Variants in COPB2 observed in about 807,000 individuals in gnomAD.
COPB2 encodes the protein coatomer subunit beta'.
Under a neutral mutation model 120.8 loss-of-function variants are expected in COPB2, and 16 were observed. The ratio of observed to expected loss-of-function variants is 0.13; its 90% CI spans 0.09 to 0.20. COPB2 has a LOEUF of 0.20. COPB2 is among the 10% of genes least tolerant of loss of function. The pLI is 1.00. For synonymous variants in COPB2, 332 were observed against 366.3 expected (o/e 0.91, Z 1.07); for missense variants, 794 against 1,076.5 (o/e 0.74, Z 3.67).
At chr3:139,388,952 C>A (rs1941992305) in intron 1 of COPB2, among the ~76,000 whole-genome samples, 1 of 152,094 alleles carries the variant, frequency 6.6e-6, no homozygotes, top group Non-Finnish European at 1.5e-5. Context: ...ACTATTCTTA[C>A]CAGCCACTGG....
At chr3:139,389,221 C>T (rs1942000428) in intron 1 of COPB2, among the ~76,000 whole-genome samples, 1 of 152,240 alleles carries the variant, frequency 6.6e-6, no homozygotes, top group Non-Finnish European at 1.5e-5. Context: ...TTTACCAAAG[C>T]CTCCTACGGA....
intron 2 of COPB2, chr3:139,381,193 G>C (rs1438752739): frequency 6.6e-6 from 1 of 152,146 alleles, no homozygotes; most frequent in Non-Finnish European, 1.5e-5. Context: ...TGGTTAAAAG[G>C]CTTGCCTATA....
At chr3:139,358,833 G>A in intron 19 of COPB2, 21 bp from the exon 20 acceptor site, 1 of 1,571,932 alleles carries the variant, frequency 6.4e-7, no homozygotes, top group Non-Finnish European at 8.8e-7. Context: ...ATAAAGCAAT[G>A]ATGAAATGAG....
chr3:139,374,180 G>A, intron 7 of COPB2: 1 of 420,714 alleles, frequency 2.4e-6, no homozygotes, highest in Non-Finnish European at 4.3e-6. Flanking sequence ...ACATAACAGA[G>A]CCTGATTTTG....
chr3:139,375,687 G>A (rs1941700240), intron 5 of COPB2, 73 bp from the exon 6 acceptor site: 3 of 1,482,258 alleles, frequency 2.0e-6, no homozygotes, highest in Non-Finnish European at 2.7e-6. Context: ...CCATATTTCT[G>A]ACACATTATG....
rs1209127448 is a variant in COPB2 at position 139,357,804 on chromosome 3, C to A, written c.*59G>T. The A allele has an allele frequency of 2.3e-6, 2 of 886,668 alleles. No individual in the cohort carries two copies. Among genetic ancestry groups the A allele is most frequent in the East Asian group, 5.3e-5 (2 of 38,038 alleles). The allele number at this position is 886,668 out of a possible 1,614,324, so 54.9% of individuals were successfully genotyped here. A position where few individuals can be genotyped will look rare whatever the true frequency, so the allele number is the denominator to read the frequency against. On this transcript the variant is annotated 3_prime_UTR_variant, in exon 22 of 22. Coordinates refer to ENST00000333188, the MANE Select transcript of COPB2 (RefSeq NM_004766.3). ...GTCCAAAGCACTGTGGTCAGGGTAG[C>A]AATCAATACCTATATATAATAATGA...
chr3:139,364,155 C>CT (rs1941475085), intron 15 of COPB2, among the ~76,000 whole-genome samples: 1 of 152,000 alleles, frequency 6.6e-6, no homozygotes, highest in Non-Finnish European at 1.5e-5. Context: ...TTTGTTAAAA[C>CT]AGTAGAGAAA....
At position 139,373,320 on chromosome 3, in the gene COPB2, T is replaced by C. The variant is rs1941656238; in HGVS notation, c.987A>G (p.Ala329=). 1.2e-6 allele frequency: 2 copies of C among 1,614,082 alleles called. No homozygotes were observed. Among genetic ancestry groups the C allele is most frequent in the Admixed American group, 1.7e-5 (1 of 60,006 alleles). ...HSEVQQANLK[A]MGDAEIKDGE... ...CATCTTTAATTTCAGCATCTCCCAT[T>C]GCTTTTAGGTTGGCCTGCTGGACTT... Residue 329 remains alanine, a synonymous_variant, in exon 9 of 22, where the codon GCA becomes GCG. Coordinates refer to ENST00000333188, the MANE Select transcript of COPB2 (RefSeq NM_004766.3).
chr3:139,382,812 A>AT (rs1941838794), intron 2 of COPB2: 1 of 178,566 alleles, frequency 5.6e-6, no homozygotes, highest in Non-Finnish European at 1.2e-5. Flanking sequence ...TGAGTCAAGC[A>AT]TTCAGGCAGA....
At position 139,378,190 on chromosome 3, in the gene COPB2, C is replaced by A; in HGVS notation, c.356-1G>T. 1 of 1,546,358 alleles carries A rather than the reference C, an allele frequency of 6.5e-7. No homozygotes were observed. The highest frequency in any genetic ancestry group is 8.8e-7 in the Non-Finnish European group (1 of 1,131,674). ...TCCCAGAGCTTAATAAGCATGTCAT[C>A]TAGGCCAAAAGAAAGTCTCAAGTTA... On this transcript the variant is annotated splice_acceptor_variant, in intron 4 of 21. Transcript: ENST00000333188. LOFTEE classifies it high-confidence loss of function.
intron 10 of COPB2, among the ~76,000 whole-genome samples, chr3:139,371,376 G>C (rs1008051017): frequency 2.0e-5 from 3 of 152,194 alleles, no homozygotes; most frequent in Non-Finnish European, 4.4e-5. Context: ...ATCACAGGGA[G>C]GGCATGCCAA....
chr3:139,360,547 C>T (rs1941398829), intron 17 of COPB2, among the ~76,000 whole-genome samples: 1 of 146,712 alleles, frequency 6.8e-6, no homozygotes, highest in African/African-American at 2.5e-5. Flanking sequence ...GGAAAGAATA[C>T]TTTTGTGTTT....
chr3:139,376,288 T>C (rs1462997166), intron 5 of COPB2, among the ~76,000 whole-genome samples: 2 of 152,098 alleles, frequency 1.3e-5, no homozygotes, highest in Middle Eastern at 3.4e-3. Flanking sequence ...AATAAAGGCC[T>C]ATTAAAAGGA....
At chr3:139,373,455 G>A (rs1399948077) in intron 8 of COPB2, 43 bp from the exon 9 acceptor site, 3 of 1,603,092 alleles carry the variant, frequency 1.9e-6, no homozygotes, top group Admixed American at 3.4e-5. Flanking sequence ...AAAGGAAAAT[G>A]AATAAAACCA....
intron 1 of COPB2, among the ~76,000 whole-genome samples, chr3:139,386,669 A>G (rs1941930248): frequency 6.6e-6 from 1 of 152,118 alleles, no homozygotes; most frequent in Admixed American, 6.6e-5. Flanking sequence ...AGGTATGAAG[A>G]GTCTATTATG....
chr3:139,375,608 G>T lies in COPB2; in HGVS notation c.511C>A (p.Gln171Lys). 1.2e-6 allele frequency: 2 copies of T among 1,613,760 alleles called. No individual in the cohort carries two copies. Among genetic ancestry groups the T allele is most frequent in the Non-Finnish European group, 1.7e-6 (2 of 1,179,786 alleles). Residue 171 changes from glutamine (Q) to lysine (K), a missense_variant, in exon 6 of 22, where the codon CAG (glutamine) becomes AAG (lysine). Physicochemically the swap from Gln to Lys is moderately conservative, Grantham distance 53 (BLOSUM62 1). Transcript: ENST00000333188. ...ASLDRTIKVW[Q>K]LGSSSPNFTL... ...AAGTTTGGTGACGAAGAGCCCAACTGCCACACCTGCAGAGAGAAACAGCAT... is the reference window on the plus strand; with the variant it reads ...AAGTTTGGTGACGAAGAGCCCAACTTCCACACCTGCAGAGAGAAACAGCAT...
chr3:139,368,336 A>C, intron 12 of COPB2, 48 bp from the exon 13 acceptor site: 5 of 1,566,964 alleles, frequency 3.2e-6, no homozygotes, highest in Non-Finnish European at 4.3e-6. Flanking sequence ...TTCTGAGTGG[A>C]TATGACAAAC....
chr3:139,376,775 A>G (rs1334897881), intron 5 of COPB2, among the ~76,000 whole-genome samples: 1 of 152,228 alleles, frequency 6.6e-6, no homozygotes, highest in African/African-American at 2.4e-5. Flanking sequence ...TTTGAGATGG[A>G]GTCTCGCTCT....
In COPB2 at chr3:139,358,223, G is replaced by A. The variant is rs962193627; in HGVS notation, c.2602C>T (p.His868Tyr). 5.1e-5 allele frequency: 83 copies of A among 1,614,008 alleles called. No individual in the cohort carries two copies. The highest frequency in any genetic ancestry group is 6.8e-5 in the Non-Finnish European group (80 of 1,179,982). Reference protein sequence around the residue: ...ASPTPVIVASHTANKEEKSLL... With the variant: ...ASPTPVIVASYTANKEEKSLL... ...ACCTTTTCTTCTTTGTTGGCTGTGTGGGAGGCCACAATAACCGGAGTAGGA... is the reference window on the plus strand; with the variant it reads ...ACCTTTTCTTCTTTGTTGGCTGTGTAGGAGGCCACAATAACCGGAGTAGGA... The change falls in exon 21 of 22, where the codon CAC (histidine) becomes TAC (tyrosine). Residue 868 changes from histidine (H) to tyrosine (Y), a missense_variant. Physicochemically the swap from His to Tyr is moderately conservative, Grantham distance 83. This residue lies in a region of COPB2 where 178 missense variants were observed against 183.2 expected (regional missense o/e 0.97). Transcript: ENST00000333188.
Sources: gnomAD v4.1 joint callset for allele counts (sites outside exome capture counted in the v4.1 genomes callset) on GRCh38, gnomAD v4.1.1 for gene constraint, gnomAD v4.1.1 regional missense constraint, MANE v1.5 for transcripts, NCBI Gene and HGNC (gene_info 2026-07-23, HGNC 2026-07-21) for gene names.